Variants in PHACTR1 observed in about 807,000 individuals in gnomAD.
PHACTR1 encodes the protein phosphatase and actin regulator 1.
PHACTR1 carries 16 observed loss-of-function variants against 69.2 expected under a neutral mutation model. The observed-to-expected ratio is 0.23, with a 90% confidence interval of 0.16 to 0.35. PHACTR1 has a LOEUF of 0.35. Ranked by LOEUF, PHACTR1 falls within the 10% of genes least tolerant of loss-of-function variation. The pLI, the probability that PHACTR1 is intolerant of heterozygous loss-of-function variation, is 1.00. For missense variants in PHACTR1, 510 were observed against 734.7 expected, an observed-to-expected ratio of 0.69 and a Z score of 3.54; for synonymous variants, 312 against 284.5, an observed-to-expected ratio of 1.10 and a Z score of -0.97.
intron 4 of PHACTR1, among the ~76,000 whole-genome samples, chr6:12,766,041 A>G (rs978005832): frequency 3.3e-5 from 5 of 152,102 alleles, no homozygotes; most frequent in African/African-American, 1.2e-4. Flanking sequence ...TGACTCGGAA[A>G]TTTTTTTCTT....
chr6:12,999,408 G>T (rs1797822125), intron 4 of PHACTR1, among the ~76,000 whole-genome samples: 1 of 152,140 alleles, frequency 6.6e-6, no homozygotes, highest in Non-Finnish European at 1.5e-5. Flanking sequence ...GACCAGCCTG[G>T]CCAAGATGGT....
At chr6:12,995,305 T>C (rs1797296503) in intron 4 of PHACTR1, among the ~76,000 whole-genome samples, 1 of 145,752 alleles carries the variant, frequency 6.9e-6, no homozygotes, top group African/African-American at 2.5e-5. Flanking sequence ...AAAGAAAGAA[T>C]AGAACCCCAT....
At chr6:13,207,022 C>T (rs1176816859) in intron 8 of PHACTR1, among the ~76,000 whole-genome samples, 4 of 152,070 alleles carry the variant, frequency 2.6e-5, no homozygotes, top group Admixed American at 6.5e-5. Context: ...TCTTTGCATA[C>T]GTGTGAGTGT....
chr6:12,870,010 C>G (rs1465263003), intron 4 of PHACTR1, among the ~76,000 whole-genome samples: 3 of 152,032 alleles, frequency 2.0e-5, no homozygotes, highest in African/African-American at 7.3e-5. Context: ...TATTGCCCTG[C>G]AGCACCTGGC....
At chr6:12,835,404 G>T (rs746939914) in intron 4 of PHACTR1, among the ~76,000 whole-genome samples, 1 of 152,056 alleles carries the variant, frequency 6.6e-6, no homozygotes, top group African/African-American at 2.4e-5. Flanking sequence ...GTTGCAGTAC[G>T]ACAGGCCTGA....
intron 4 of PHACTR1, among the ~76,000 whole-genome samples, chr6:12,958,987 GC>G (rs1341622621): frequency 2.6e-5 from 4 of 151,978 alleles, no homozygotes; most frequent in Admixed American, 2.0e-4. Context: ...GACCAGCCTG[GC>G]CAACATGGTG....
chr6:13,034,096 A>T lies in PHACTR1; in HGVS notation c.251-19269A>T, dbSNP rs536123841. Reference sequence around the variant, plus strand: ...CAGTGGCGCGATCTCGGCTCACTGCAGGCTCCGCCCCCTGGGGTTCACGCC... The same window carrying T: ...CAGTGGCGCGATCTCGGCTCACTGCTGGCTCCGCCCCCTGGGGTTCACGCC... On this transcript the variant is annotated intron_variant, in intron 4 of 14. Coordinates refer to ENST00000332995, the MANE Select transcript of PHACTR1 (RefSeq NM_030948.6). Among the ~76,000 whole-genome samples, 80 of 151,788 alleles carry T rather than the reference A, an allele frequency of 5.3e-4. 1 individual carries two copies. The highest frequency in any genetic ancestry group is 1.8e-3 in the African/African-American group (76 of 41,342).
intron 4 of PHACTR1, among the ~76,000 whole-genome samples, chr6:12,915,661 G>A (rs1000675173): frequency 6.6e-6 from 1 of 152,140 alleles, no homozygotes; most frequent in African/African-American, 2.4e-5. Flanking sequence ...ATTTGGAGCT[G>A]AGCTATAATA....
At chr6:13,117,646 G>A (rs2327651) in intron 5 of PHACTR1, among the ~76,000 whole-genome samples, 145,890 of 152,286 alleles carry the variant, frequency 0.96, 70,202 homozygotes, top group East Asian at 1. Context: ...GAATGTGTGC[G>A]TATTTTAAAT....
At chr6:12,950,341 T>C (rs962384478) in intron 4 of PHACTR1, among the ~76,000 whole-genome samples, 1 of 152,230 alleles carries the variant, frequency 6.6e-6, no homozygotes, top group African/African-American at 2.4e-5. Flanking sequence ...CATTGCCTTT[T>C]ATGATGGCAT....
intron 4 of PHACTR1, among the ~76,000 whole-genome samples, chr6:12,801,823 T>C (rs1773739301): frequency 1.3e-5 from 2 of 152,170 alleles, no homozygotes; most frequent in Non-Finnish European, 1.5e-5. Flanking sequence ...TTCTCCAATA[T>C]GTTAGATTCC....
At position 12,757,909 on chromosome 6, in the gene PHACTR1, C is replaced by G. The variant is rs190247394; in HGVS notation, c.250+8119C>G. On this transcript the variant is annotated intron_variant, in intron 4 of 14. Transcript: ENST00000332995. ...GGCGGATCACCTGAGGTCAGGAGTT[C>G]GAGACGAGCCTGGCCAACACGGTGA... Among the ~76,000 whole-genome samples, 52 of 152,106 alleles carry G rather than the reference C, an allele frequency of 3.4e-4. No homozygotes were observed. In the East Asian group the frequency reaches 9.5e-3, roughly 28 times the overall value.
intron 12 of PHACTR1, among the ~76,000 whole-genome samples, chr6:13,279,134 C>T (rs1405416774): frequency 2.0e-5 from 3 of 150,856 alleles, no homozygotes; most frequent in African/African-American, 7.3e-5. Flanking sequence ...AAATTTAAAG[C>T]AGATGTTTGA....
intron 4 of PHACTR1, among the ~76,000 whole-genome samples, chr6:12,840,067 G>A (rs1266435635): frequency 6.6e-6 from 1 of 152,056 alleles, no homozygotes; most frequent in East Asian, 1.9e-4. Flanking sequence ...CATCCTTGCT[G>A]CTACCCAGGC....
intron 10 of PHACTR1, among the ~76,000 whole-genome samples, chr6:13,247,096 G>C (rs1411678632): frequency 1.3e-5 from 2 of 152,142 alleles, no homozygotes; most frequent in African/African-American, 4.8e-5. Context: ...GTGTGTTCAT[G>C]AAAATTTGAT....
chr6:12,846,008 A>C (rs557545602), intron 4 of PHACTR1, among the ~76,000 whole-genome samples: 1 of 152,340 alleles, frequency 6.6e-6, no homozygotes, highest in East Asian at 1.9e-4. Context: ...ATTTGTTTGC[A>C]GTTAGCAAAA....
At chr6:13,066,630 TG>T (rs1808683603) in intron 5 of PHACTR1, among the ~76,000 whole-genome samples, 1 of 152,140 alleles carries the variant, frequency 6.6e-6, no homozygotes, top group South Asian at 2.1e-4. Flanking sequence ...TCTTATGGCT[TG>T]GGGATTGACT....
At chr6:13,272,526 G>A in intron 10 of PHACTR1, 2 of 447,690 alleles carry the variant, frequency 4.5e-6, no homozygotes, top group South Asian at 2.6e-5. Context: ...AAGTTAGGAG[G>A]CCACAAGGAA....
chr6:12,926,851 C>T (rs1788320204), intron 4 of PHACTR1, among the ~76,000 whole-genome samples: 1 of 152,212 alleles, frequency 6.6e-6, no homozygotes, highest in Non-Finnish European at 1.5e-5. Flanking sequence ...TTTTGTGCAG[C>T]ATTTAATCCC....
Sources: allele counts gnomAD v4.1 joint callset (sites outside exome capture counted in the v4.1 genomes callset), GRCh38; gene constraint gnomAD v4.1.1; transcripts MANE v1.5; gene names NCBI Gene and HGNC (gene_info 2026-07-23, HGNC 2026-07-21).